Variants in GALNT16 observed in about 807,000 individuals in gnomAD.
The protein encoded by GALNT16 is UDP-GalNAc:polypeptide N-acetylgalactosaminyltransferase-like protein 1.
In GALNT16, 40 loss-of-function variants were observed where a neutral mutation model predicts 76.1. The observed-to-expected ratio is 0.53, with a 90% CI of 0.41 to 0.68. The LOEUF (loss-of-function observed/expected upper bound fraction) is 0.68. Among genes scored for constraint, GALNT16 ranks in the 30% least tolerant of loss-of-function variants. The pLI, the probability that GALNT16 is intolerant of heterozygous loss-of-function variation, is 0.00. For missense variants in GALNT16, 621 were observed against 731.9 expected (o/e 0.85, Z 1.75); for synonymous variants, 276 against 285.2 (o/e 0.97, Z 0.32).
intron 1 of GALNT16, among the ~76,000 whole-genome samples, chr14:69,274,239 G>A (rs1004801154): frequency 6.6e-6 from 1 of 152,160 alleles, no homozygotes; most frequent in Non-Finnish European, 1.5e-5. Context: ...TGCTATACAA[G>A]CATTAGTATA....
chr14:69,334,615 AC>A, intron 9 of GALNT16, among the ~76,000 whole-genome samples: 1 of 152,236 alleles, frequency 6.6e-6, no homozygotes, highest in East Asian at 1.9e-4. Flanking sequence ...AGCTGTAACC[AC>A]CCCAAGGTCT....
chr14:69,377,288 T>A, the GALNT16 span, among the ~76,000 whole-genome samples: 1 of 152,210 alleles, frequency 6.6e-6, no homozygotes, highest in East Asian at 1.9e-4. Flanking sequence ...AACCTTGTCT[T>A]TTTCATCTAG....
chr14:69,374,628 G>A, the GALNT16 span, among the ~76,000 whole-genome samples: 2 of 152,346 alleles, frequency 1.3e-5, no homozygotes, highest in African/African-American at 4.8e-5. Flanking sequence ...TTGAACAGTA[G>A]TGGTATATTG....
intron 14 of GALNT16, chr14:69,349,250 C>T (rs1439708499): frequency 6.6e-6 from 1 of 152,196 alleles, no homozygotes; most frequent in Admixed American, 6.6e-5. Context: ...CTAGAGCACC[C>T]ACCTCTCTGA....
chr14:69,283,898 T>C (rs2044576216), intron 1 of GALNT16, among the ~76,000 whole-genome samples: 1 of 152,188 alleles, frequency 6.6e-6, no homozygotes, highest in Non-Finnish European at 1.5e-5. Flanking sequence ...TACAGGGGGC[T>C]GGCAAATCAA....
chr14:69,362,083 G>A, the GALNT16 span, among the ~76,000 whole-genome samples: 1 of 152,222 alleles, frequency 6.6e-6, no homozygotes, highest in Admixed American at 6.5e-5. Context: ...AGAATACAAT[G>A]TCCCGTGATG....
intron 9 of GALNT16, among the ~76,000 whole-genome samples, chr14:69,335,130 G>A (rs538080042): frequency 7.2e-5 from 11 of 152,316 alleles, no homozygotes; most frequent in African/African-American, 2.2e-4. Context: ...GTTGTGGGAC[G>A]TTGGCAAAGG....
At chr14:69,304,293 A>C (rs1186556745) in intron 1 of GALNT16, among the ~76,000 whole-genome samples, 1 of 152,236 alleles carries the variant, frequency 6.6e-6, no homozygotes, top group Non-Finnish European at 1.5e-5. Flanking sequence ...CCCTCTTGAC[A>C]GAGTTGGAGA....
At chr14:69,314,083 G>T (rs891526650) in intron 1 of GALNT16, among the ~76,000 whole-genome samples, 3 of 152,178 alleles carry the variant, frequency 2.0e-5, no homozygotes, top group African/African-American at 4.8e-5. Context: ...GTTGGTCTTG[G>T]GTATGGCCTG....
chr14:69,289,136 C>T (rs948901355), intron 1 of GALNT16, among the ~76,000 whole-genome samples: 4 of 152,138 alleles, frequency 2.6e-5, no homozygotes, highest in Non-Finnish European at 5.9e-5. Context: ...CCTCGGCCTC[C>T]CAGAGTGCTA....
At chr14:69,346,856 G>A (rs1430408767) in intron 12 of GALNT16, among the ~76,000 whole-genome samples, 184 bp from the exon 13 acceptor site, 5 of 152,244 alleles carry the variant, frequency 3.3e-5, no homozygotes, top group East Asian at 1.9e-4. Context: ...CCCTGGGGCC[G>A]AGGCCCAGTC....
At chr14:69,386,278 T>C in the GALNT16 span, among the ~76,000 whole-genome samples, 2 of 152,260 alleles carry the variant, frequency 1.3e-5, no homozygotes, top group African/African-American at 4.8e-5. Context: ...ATATTTCTCA[T>C]CACTGCTCTT....
chr14:69,383,857 G>A, the GALNT16 span, among the ~76,000 whole-genome samples: 13 of 152,146 alleles, frequency 8.5e-5, no homozygotes, highest in African/African-American at 4.8e-5. Flanking sequence ...ACATTTTAAA[G>A]TCTAATGCAG....
chr14:69,341,939 G>A (rs538359393), intron 12 of GALNT16, among the ~76,000 whole-genome samples, 175 bp downstream of exon 12: 58 of 152,290 alleles, frequency 3.8e-4, no homozygotes, highest in Admixed American at 1.2e-3. Flanking sequence ...ATTACTAGGG[G>A]TTATAAATTA....
chr14:69,380,429 G>A, the GALNT16 span: 3 of 636,400 alleles, frequency 4.7e-6, no homozygotes, highest in Non-Finnish European at 8.7e-6. Flanking sequence ...CTTGGCTAGA[G>A]TATAACAAAG....
intron 1 of GALNT16, among the ~76,000 whole-genome samples, chr14:69,290,905 T>C (rs914499185): frequency 3.0e-4 from 45 of 152,340 alleles, no homozygotes; most frequent in African/African-American, 1.1e-3. Flanking sequence ...TCCCTGAAGC[T>C]TCAGGACCCA....
intron 5 of GALNT16, among the ~76,000 whole-genome samples, chr14:69,326,749 C>T (rs768679659): frequency 1.3e-5 from 2 of 152,212 alleles, no homozygotes; most frequent in South Asian, 2.1e-4. Context: ...TCCTCCCCTG[C>T]GGGCATCCGG....
rs562841780 is a variant in GALNT16 at position 69,288,406 on chromosome 14, A to C, written c.177+27939A>C. On this transcript the variant is annotated intron_variant, in intron 1 of 14. Transcript: ENST00000448469. ...CCTGCAGCAAAGAAACCTCTGATGC[A>C]ATTGGTGGTGAATGAATTTTAGTGG... is the stretch of plus-strand genomic sequence containing the variant. Among the ~76,000 whole-genome samples the C allele has an allele frequency of 1.2e-4, 18 of 152,334 alleles. No homozygotes were observed. In the South Asian group the frequency reaches 3.7e-3, roughly 32 times the overall value.
At chr14:69,285,040 CT>C (rs11401674) in intron 1 of GALNT16, among the ~76,000 whole-genome samples, 5,893 of 127,240 alleles carry the variant, frequency 0.046, 153 homozygotes, top group Non-Finnish European at 0.07. Context: ...CTCGGGCACT[CT>C]TTTTTTTTTT....
Sources: gnomAD v4.1 joint callset for allele counts (sites outside exome capture counted in the v4.1 genomes callset) on GRCh38, gnomAD v4.1.1 for gene constraint, MANE v1.5 for transcripts, NCBI Gene and HGNC (gene_info 2026-07-23, HGNC 2026-07-21) for gene names.